ZNF208: variants seen among roughly 807,000 people sequenced by gnomAD.
ZNF208 encodes the protein zinc finger protein 208.
In ZNF208, 10 loss-of-function variants were observed where a neutral mutation model predicts 12.1. The observed-to-expected ratio is 0.83, with a 90% CI of 0.51 to 1.40. The LOEUF is 1.40. Among genes scored for constraint, ZNF208 ranks in the 40% most tolerant of loss-of-function variants. The probability of loss-of-function intolerance (pLI) is 0.00; values close to 1 mark genes in which losing one functional copy is unlikely to be tolerated. For missense variants in ZNF208, 1,652 were observed against 1,485.0 expected, an observed-to-expected ratio of 1.11 and a Z score of -1.85; for synonymous variants, 497 against 488.4, an observed-to-expected ratio of 1.02 and a Z score of -0.23.
In ZNF208 at chr19:21,977,908, G is replaced by A. The variant is rs6511304; in HGVS notation, c.227-3101C>T. 8.9e-3 allele frequency among the ~76,000 whole-genome samples: 1,349 copies of A among 152,250 alleles called. 22 individuals are homozygous for A. The highest frequency in any genetic ancestry group is 0.031 in the African/African-American group (1,301 of 41,534). On this transcript the variant is annotated intron_variant, in intron 3 of 3. Transcript: ENST00000397126. Reference sequence around the variant, plus strand: ...CGAGCTTGGTGGGGGAAGGGCGTCCGCCATTGCTGAGGCTTGAGTAGGCAG... The same window carrying A: ...CGAGCTTGGTGGGGGAAGGGCGTCCACCATTGCTGAGGCTTGAGTAGGCAG...
intron 1 of ZNF208, 96 bp from the exon 2 acceptor site, chr19:21,989,005 T>TG: frequency 6.7e-7 from 1 of 1,498,850 alleles, no homozygotes; most frequent in South Asian, 1.3e-5. Context: ...GAGCTGGTTC[T>TG]GACTTATAAG....
Position 21,968,010 on chromosome 19 carries a change from T to C in ZNF208, c.*3181A>G, listed in dbSNP as rs949396126. Reference sequence around the variant, plus strand: ...TTTGTGTGTTTGTTGCTATTGTAAATAGAGCTGTGTTTTTTATTTTGTTCT... The same window carrying C: ...TTTGTGTGTTTGTTGCTATTGTAAACAGAGCTGTGTTTTTTATTTTGTTCT... On this transcript the variant is annotated 3_prime_UTR_variant, in exon 4 of 4. Coordinates refer to ENST00000397126, the MANE Select transcript of ZNF208 (RefSeq NM_007153.3). 1 of 152,162 alleles carries C rather than the reference T, an allele frequency of 6.6e-6. No individual in the cohort carries two copies. Among genetic ancestry groups the C allele is most frequent in the African/African-American group, 2.4e-5 (1 of 41,458 alleles). 9.4% of individuals were successfully genotyped at this position (152,162 alleles called of 1,614,324 possible).
At chr19:21,946,961 T>A (rs548462816) in intron 4 of ZNF208, among the ~76,000 whole-genome samples, 1 of 151,934 alleles carries the variant, frequency 6.6e-6, no homozygotes, top group Non-Finnish European at 1.5e-5. Flanking sequence ...TTTCATTTCA[T>A]TTTTTTTCTT....
At position 21,974,888 on chromosome 19, in the gene ZNF208, A is replaced by G. The variant is rs1318616986; in HGVS notation, c.227-81T>C. The G allele has an allele frequency of 4.9e-6, 7 of 1,414,512 alleles. No individual in the cohort carries two copies. The East Asian group carries it at 7.5e-5, about 15-fold the overall frequency. 87.6% of individuals were successfully genotyped at this position (1,414,512 alleles called of 1,614,324 possible). Reference sequence around the variant, plus strand: ...GTTTCTAAATCTAAACTATAAAATTATTCAAACTACATAAGCAAGATGACA... The same window carrying G: ...GTTTCTAAATCTAAACTATAAAATTGTTCAAACTACATAAGCAAGATGACA... On this transcript the variant is annotated intron_variant, in intron 3 of 3. Coordinates refer to ENST00000397126, the MANE Select transcript of ZNF208 (RefSeq NM_007153.3).
At chr19:21,959,995 C>T (rs1208575571) in intron 4 of ZNF208, among the ~76,000 whole-genome samples, 17 of 152,014 alleles carry the variant, frequency 1.1e-4, no homozygotes, top group Admixed American at 2.0e-4. Flanking sequence ...GTAAAATACA[C>T]ATTAAAAATA....
At chr19:22,003,783 A>G (rs1970997397) in intron 1 of ZNF208, among the ~76,000 whole-genome samples, 1 of 152,226 alleles carries the variant, frequency 6.6e-6, no homozygotes, top group Non-Finnish European at 1.5e-5. Context: ...TCTATCCTAA[A>G]GACACATGCA....
At chr19:21,950,092 T>C (rs1376744322) in intron 4 of ZNF208, among the ~76,000 whole-genome samples, 1 of 152,226 alleles carries the variant, frequency 6.6e-6, no homozygotes, top group East Asian at 1.9e-4. Flanking sequence ...GCTTATATTC[T>C]CTGTAAAGTT....
At chr19:21,940,740 C>T (rs937975839) in intron 4 of ZNF208, 23 of 152,536 alleles carry the variant, frequency 1.5e-4, no homozygotes, top group African/African-American at 5.5e-4. Context: ...GGCCCAGCCC[C>T]TCCTCACTTC....
Position 21,974,510 on chromosome 19 carries a change from C to A in ZNF208, c.524G>T (p.Cys175Phe), listed in dbSNP as rs1193493874. 4 of 1,613,568 alleles carry A rather than the reference C, an allele frequency of 2.5e-6. No individual in the cohort carries two copies. In the African/African-American group the frequency reaches 4.0e-5, roughly 16 times the overall value. ...IRHTGKKHLQ[C>F]KEYVRSFCML... ...GCAAAATGATCTGACGTATTCTTTA[C>A]ATTGCAAATGTTTCTTTCCAGTATG... Residue 175 changes from cysteine to phenylalanine, a missense_variant, in exon 4 of 4, where the codon TGT becomes TTT. Cys to Phe is a radical substitution (Grantham distance 205). This residue lies in a region of ZNF208 where 410 missense variants were observed against 378.2 expected (regional missense o/e 1.08). Coordinates refer to ENST00000397126, the MANE Select transcript of ZNF208 (RefSeq NM_007153.3).
At chr19:21,983,842 G>A (rs1970587897) in intron 3 of ZNF208, among the ~76,000 whole-genome samples, 1 of 152,012 alleles carries the variant, frequency 6.6e-6, no homozygotes, top group Non-Finnish European at 1.5e-5. Flanking sequence ...CACACACCAG[G>A]GCCTGTCAAG....
intron 1 of ZNF208, among the ~76,000 whole-genome samples, chr19:21,989,564 G>A (rs1453616366): frequency 6.6e-6 from 1 of 151,966 alleles, no homozygotes; most frequent in African/African-American, 2.4e-5. Context: ...TGTCTTTATA[G>A]CAGCATGATT....
chr19:21,965,251 G>GT (rs1453949478), downstream of ZNF208, among the ~76,000 whole-genome samples: 3 of 151,916 alleles, frequency 2.0e-5, no homozygotes, highest in Admixed American at 1.3e-4. Context: ...CTAAAATAAA[G>GT]TATCACTTTC....
intron 4 of ZNF208, among the ~76,000 whole-genome samples, chr19:21,942,308 G>T (rs1969753091): frequency 6.6e-6 from 1 of 152,118 alleles, no homozygotes; most frequent in Admixed American, 6.5e-5. Context: ...TCAAAGATCT[G>T]TTAAAAATAG....
chr19:21,993,622 C>G (rs1970778314), intron 1 of ZNF208, among the ~76,000 whole-genome samples: 1 of 152,120 alleles, frequency 6.6e-6, no homozygotes, highest in African/African-American at 2.4e-5. Context: ...TGGAAAGGGT[C>G]CATAAATGGG....
chr19:21,946,761 A>G (rs1969820195), intron 4 of ZNF208, among the ~76,000 whole-genome samples: 1 of 152,106 alleles, frequency 6.6e-6, no homozygotes, highest in African/African-American at 2.4e-5. Flanking sequence ...ACCTGAAAAC[A>G]TTGGCTCTGT....
At chr19:21,994,481 C>T (rs1323462626) in intron 1 of ZNF208, among the ~76,000 whole-genome samples, 2 of 152,084 alleles carry the variant, frequency 1.3e-5, no homozygotes, top group Non-Finnish European at 2.9e-5. Context: ...TGAATATGAA[C>T]AGGGCTGGGG....
chr19:21,951,132 T>C (rs986083438), intron 4 of ZNF208, among the ~76,000 whole-genome samples: 2 of 152,242 alleles, frequency 1.3e-5, no homozygotes, highest in African/African-American at 4.8e-5. Context: ...AATGTTTTAA[T>C]GTAAACTGCT....
chr19:21,957,904 A>G (rs1970001292), intron 4 of ZNF208, among the ~76,000 whole-genome samples: 3 of 152,022 alleles, frequency 2.0e-5, no homozygotes, highest in Admixed American at 2.0e-4. Flanking sequence ...TTACATATGT[A>G]TACATGTGCC....
At chr19:21,996,965 T>C (rs1476487220) in intron 1 of ZNF208, among the ~76,000 whole-genome samples, 2 of 152,184 alleles carry the variant, frequency 1.3e-5, no homozygotes, top group Non-Finnish European at 2.9e-5. Context: ...CAACTGTGAA[T>C]TGACTGGAAG....
Sources: allele counts gnomAD v4.1 joint callset (sites outside exome capture counted in the v4.1 genomes callset), GRCh38; gene constraint gnomAD v4.1.1; regional missense constraint gnomAD v4.1.1; transcripts MANE v1.5; gene names NCBI Gene and HGNC (gene_info 2026-07-23, HGNC 2026-07-21).